The following TUT4 variants were observed in gnomAD, a reference collection of about 807,000 sequenced individuals.
TUT4 encodes the protein terminal uridylyltransferase 4.
In TUT4, 36 loss-of-function variants were observed where a neutral mutation model predicts 192.2. That is an observed-to-expected ratio of 0.19 (90% CI 0.14 to 0.25). The LOEUF (loss-of-function observed/expected upper bound fraction) is 0.25. Among genes scored for constraint, TUT4 ranks in the 10% least tolerant of loss-of-function variants. The pLI is 1.00. For missense variants in TUT4, 1,493 were observed against 1,957.2 expected (o/e 0.76, Z 4.47); for synonymous variants, 618 against 666.0 (o/e 0.93, Z 1.11).
At chr1:52,526,426 T>A in intron 1 of TUT4, 53 bp from the exon 2 acceptor site, 7 of 733,386 alleles carry the variant, frequency 9.5e-6, no homozygotes, top group Non-Finnish European at 1.3e-5. Context: ...CAAAAACAAT[T>A]TTTTATGGTT....
chr1:52,532,461 C>T (rs982333600), intron 1 of TUT4, among the ~76,000 whole-genome samples: 2 of 151,734 alleles, frequency 1.3e-5, no homozygotes, highest in African/African-American at 2.4e-5. Flanking sequence ...CAGGCACACA[C>T]GACCACACCT....
chr1:52,482,919 A>T (rs892968603), intron 9 of TUT4, among the ~76,000 whole-genome samples: 10 of 152,200 alleles, frequency 6.6e-5, no homozygotes, highest in African/African-American at 2.4e-4. Context: ...ATGCCTAGGA[A>T]TGTTTGTTAA....
At chr1:52,513,046 C>T (rs1248184618) in intron 3 of TUT4, among the ~76,000 whole-genome samples, 1 of 151,220 alleles carries the variant, frequency 6.6e-6, no homozygotes, top group East Asian at 1.9e-4. Flanking sequence ...TCACTTGAAA[C>T]TGGGAGGCAG....
chr1:52,466,695 A>T, intron 15 of TUT4, among the ~76,000 whole-genome samples: 1 of 145,628 alleles, frequency 6.9e-6, no homozygotes, highest in African/African-American at 2.6e-5. Flanking sequence ...TTTGAGACAG[A>T]GTTTCGCTCT....
Position 52,497,255 on chromosome 1 carries a change from G to A in TUT4, c.1000-72C>T, listed in dbSNP as rs914260270. 5.0e-6 allele frequency: 7 copies of A among 1,406,404 alleles called. No individual in the cohort carries two copies. The African/African-American group carries it at 7.4e-5, about 15-fold the overall frequency. The allele number at this position is 1,406,404 out of a possible 1,614,324, so 87.1% of individuals were successfully genotyped here. On this transcript the variant is annotated intron_variant, in intron 4 of 29. Coordinates refer to ENST00000257177, the MANE Select transcript of TUT4 (RefSeq NM_001009881.3). ...TTTTAATTGTTCTTATATTTAGCAG[G>A]GAAAGACAGAAATAAACTAACTCAA...
intron 20 of TUT4, among the ~76,000 whole-genome samples, chr1:52,455,797 A>T (rs1325448752): frequency 6.6e-6 from 1 of 151,960 alleles, no homozygotes; most frequent in Non-Finnish European, 1.5e-5. Context: ...CAAGTACTCA[A>T]ATGCTGGGTG....
intron 12 of TUT4, among the ~76,000 whole-genome samples, chr1:52,477,031 C>A (rs893172222): frequency 1.3e-5 from 2 of 152,132 alleles, no homozygotes; most frequent in Non-Finnish European, 2.9e-5. Flanking sequence ...AGCGAAGCCA[C>A]ATTTATTAGG....
At chr1:52,463,836 G>T in intron 16 of TUT4, 1 of 1,285,424 alleles carries the variant, frequency 7.8e-7, no homozygotes, top group Non-Finnish European at 1.0e-6. Flanking sequence ...TTGCACTTGG[G>T]GAAGGTCTGC....
intron 1 of TUT4, among the ~76,000 whole-genome samples, chr1:52,533,404 T>C (rs1390267332): frequency 6.6e-6 from 1 of 152,210 alleles, no homozygotes. Flanking sequence ...TATCAATAAT[T>C]CATTGACAGA....
chr1:52,441,502 C>G (rs1309528026), intron 24 of TUT4, among the ~76,000 whole-genome samples: 1 of 143,192 alleles, frequency 7.0e-6, no homozygotes, highest in Non-Finnish European at 1.5e-5. Flanking sequence ...ACCACGTTGA[C>G]CAGGCTGGTC....
chr1:52,488,617 T>C (rs1670384832), intron 9 of TUT4, among the ~76,000 whole-genome samples: 1 of 152,194 alleles, frequency 6.6e-6, no homozygotes, highest in Non-Finnish European at 1.5e-5. Context: ...GAGTGAAAAC[T>C]TGAGCCTCAT....
At chr1:52,487,556 AG>A (rs777923204) in intron 9 of TUT4, among the ~76,000 whole-genome samples, 39 of 152,318 alleles carry the variant, frequency 2.6e-4, no homozygotes, top group Admixed American at 3.9e-4. Context: ...AATGAGAGGA[AG>A]TAGTCACCCT....
At chr1:52,425,866 AG>A (rs975102399) in intron 28 of TUT4, among the ~76,000 whole-genome samples, 1 of 53,138 alleles carries the variant, frequency 1.9e-5, no homozygotes, top group African/African-American at 7.8e-5. Context: ...CAAAATAGGG[AG>A]GGGGTGGGGG....
chr1:52,452,029 C>T (rs369659867), intron 20 of TUT4, among the ~76,000 whole-genome samples: 5 of 151,712 alleles, frequency 3.3e-5, no homozygotes, highest in South Asian at 4.2e-4. Flanking sequence ...AACCAATTCT[C>T]GAAGAATGAG....
rs1648794604 is a variant in TUT4, at chr1:52,423,628, A to G, written c.*307T>C. 2.4e-6 allele frequency: 1 copy of G among 419,608 alleles called. No homozygotes were observed. Among genetic ancestry groups the G allele is most frequent in the African/African-American group, 2.0e-5 (1 of 49,092 alleles). The allele number at this position is 419,608 out of a possible 1,614,324, so 26.0% of individuals were successfully genotyped here. A position where few individuals can be genotyped will look rare whatever the true frequency, so the allele number is the denominator to read the frequency against. Reference sequence around the variant, plus strand: ...ACAATTCATCAAGGTTAAACAAAACATAAAATTCCCTTAAAAATAGGGTAA... The same window carrying G: ...ACAATTCATCAAGGTTAAACAAAACGTAAAATTCCCTTAAAAATAGGGTAA... On this transcript the variant is annotated 3_prime_UTR_variant, in exon 30 of 30. Coordinates refer to ENST00000257177, the MANE Select transcript of TUT4 (RefSeq NM_001009881.3).
chr1:52,494,494 C>A (rs1001376501), intron 6 of TUT4, among the ~76,000 whole-genome samples: 1 of 152,124 alleles, frequency 6.6e-6, no homozygotes, highest in African/African-American at 2.4e-5. Context: ...GAGTTCAACA[C>A]CAGCCTGACC....
At chr1:52,442,334 G>A (rs560972558) in intron 24 of TUT4, among the ~76,000 whole-genome samples, 1 of 151,928 alleles carries the variant, frequency 6.6e-6, no homozygotes, top group South Asian at 2.1e-4. Flanking sequence ...AAAGATGAAA[G>A]GACAGGAAAT....
In TUT4 at chr1:52,445,198, A is replaced by C. The variant is rs115428344; in HGVS notation, c.3822+589T>G. On this transcript the variant is annotated intron_variant, in intron 24 of 29. Transcript: ENST00000257177. ...CTCCTGCAGTCTCCCTAACCATAAG[A>C]AAGCAGGCAAAAACCAGAGTGAGGC... Among the ~76,000 whole-genome samples the C allele has an allele frequency of 5.1e-3, 782 of 152,046 alleles. 2 individuals carry two copies. Among genetic ancestry groups the C allele is most frequent in the Non-Finnish European group, 8.8e-3 (596 of 67,994 alleles).
chr1:52,517,299 T>C (rs1483608158), intron 2 of TUT4, among the ~76,000 whole-genome samples: 2 of 152,330 alleles, frequency 1.3e-5, no homozygotes, highest in Admixed American at 6.5e-5. Flanking sequence ...TTTAATACAA[T>C]GCCTAGATCT....
Sources: gnomAD v4.1 joint callset for allele counts (sites outside exome capture counted in the v4.1 genomes callset) on GRCh38, gnomAD v4.1.1 for gene constraint, MANE v1.5 for transcripts, NCBI Gene and HGNC (gene_info 2026-07-23, HGNC 2026-07-21) for gene names.